Variants in TFF3 observed in about 807,000 individuals in gnomAD.
TFF3 encodes the protein polypeptide P1.B.
TFF3 carries 6 observed loss-of-function variants against 9.7 expected under a neutral mutation model. The ratio of observed to expected loss-of-function variants is 0.62; its 90% confidence interval spans 0.34 to 1.22. The LOEUF (loss-of-function observed/expected upper bound fraction) is 1.22. Ranked by LOEUF, TFF3 falls within the 50% of genes most tolerant of loss-of-function variation. TFF3 has a pLI of 0.04. For synonymous variants in TFF3, 48 were observed against 41.4 expected (o/e 1.16, Z -0.61); for missense variants, 93 against 98.6 (o/e 0.94, Z 0.24).
rs1403608077 is a variant in TFF3, at chr21:42,315,385, G to T, written c.-11C>A. 1.2e-6 allele frequency: 2 copies of T among 1,614,026 alleles called. No homozygotes were observed. The highest frequency in any genetic ancestry group is 2.7e-5 in the African/African-American group (2 of 74,930). ...CGCTCTGGCAGCCATGACCACCGTGGGCTCCGGGACGCAGCTCAGGACTCG... is the reference window on the plus strand; with the variant it reads ...CGCTCTGGCAGCCATGACCACCGTGTGCTCCGGGACGCAGCTCAGGACTCG... On this transcript the variant is annotated 5_prime_UTR_variant, in exon 1 of 3. Coordinates refer to ENST00000518498, the MANE Select transcript of TFF3 (RefSeq NM_003226.4).
intron 2 of TFF3, among the ~76,000 whole-genome samples, 170 bp from the exon 3 acceptor site, chr21:42,312,439 G>C (rs184965395): frequency 6.6e-6 from 1 of 152,202 alleles, no homozygotes; most frequent in East Asian, 1.9e-4. Flanking sequence ...TTCCCACCTC[G>C]GGTTGCTAAG....
chr21:42,315,171 G>T, intron 1 of TFF3, 122 bp downstream of exon 1: 1 of 1,323,702 alleles, frequency 7.6e-7, no homozygotes, highest in Non-Finnish European at 1.0e-6. Flanking sequence ...CAAAGGGCTA[G>T]CGCAGGAAAA....
At position 42,312,146 on chromosome 21, in the gene TFF3, C is replaced by A. The variant is rs760176980; in HGVS notation, c.*110G>T. 1 of 1,478,138 alleles carries A rather than the reference C, an allele frequency of 6.8e-7. No homozygotes were observed. The highest frequency in any genetic ancestry group is 1.7e-5 in the Admixed American group (1 of 59,800). 91.6% of individuals were successfully genotyped at this position (1,478,138 alleles called of 1,614,324 possible). On this transcript the variant is annotated 3_prime_UTR_variant, in exon 3 of 3. Transcript: ENST00000518498. ...ATGAACTTTCAGCAGAAGCGCTTGC[C>A]GGGAGCAAAGGGACAGAAAAGCTGA... is the stretch of plus-strand genomic sequence containing the variant.
intron 2 of TFF3, among the ~76,000 whole-genome samples, chr21:42,312,790 G>A (rs1288988018): frequency 1.3e-5 from 2 of 152,188 alleles, no homozygotes; most frequent in Admixed American, 6.5e-5. Flanking sequence ...TCACGCAGGT[G>A]CGGCCTTCGT....
At position 42,312,195 on chromosome 21, in the gene TFF3, C is replaced by G. The variant is rs1601478826; in HGVS notation, c.*61G>C. The G allele has an allele frequency of 6.2e-7, 1 of 1,611,774 alleles. No homozygotes were observed. Among genetic ancestry groups the G allele is most frequent in the South Asian group, 1.1e-5 (1 of 91,042 alleles). ...GAGATGAACAGTGCCTGGCAGCAAT[C>G]ACAGCCGGGCAAGGGTGCTCCGAGC... On this transcript the variant is annotated 3_prime_UTR_variant, in exon 3 of 3. Transcript: ENST00000518498.
Position 42,315,300 on chromosome 21 carries a change from C to T in TFF3, c.75G>A (p.Val25=), listed in dbSNP as rs769080891. The T allele has an allele frequency of 3.7e-6, 6 of 1,613,386 alleles. No homozygotes were observed. The highest frequency in any genetic ancestry group is 1.3e-5 in the African/African-American group (1 of 74,934). The change falls in exon 1 of 3, where the codon GTG becomes GTA. Residue 25 remains valine, a synonymous_variant. Coordinates refer to ENST00000518498, the MANE Select transcript of TFF3 (RefSeq NM_003226.4). ...AGTCAGGGCAGTACTCACACAGGCC[C>T]ACGTACTCCTCAGCAGAGCTGGAGG... The part of the protein sequence containing the change: ...LLSSSSAEEY[V]GLSANQCAVP...
chr21:42,312,291 G>A (rs1164084069), intron 2 of TFF3, 22 bp from the exon 3 acceptor site: 1 of 1,587,966 alleles, frequency 6.3e-7, no homozygotes, highest in Non-Finnish European at 8.6e-7. Context: ...GCAAAGGCTT[G>A]TGTGAGCAGT....
chr21:42,312,179 A>G lies in TFF3; in HGVS notation c.*77T>C, dbSNP rs113927355. 2.6e-5 allele frequency: 42 copies of G among 1,587,948 alleles called. No individual in the cohort carries two copies. In the African/African-American group the frequency reaches 3.8e-4, roughly 14 times the overall value. ...AAGGGACAGAAAAGCTGAGATGAAC[A>G]GTGCCTGGCAGCAATCACAGCCGGG... is the stretch of plus-strand genomic sequence containing the variant. On this transcript the variant is annotated 3_prime_UTR_variant, in exon 3 of 3. Coordinates refer to ENST00000518498, the MANE Select transcript of TFF3 (RefSeq NM_003226.4).
Position 42,315,396 on chromosome 21 carries a change from G to A in TFF3, c.-22C>T, listed in dbSNP as rs755479258. ...CCATGACCACCGTGGGCTCCGGGAC[G>A]CAGCTCAGGACTCGCTTCATGGTCC... On this transcript the variant is annotated 5_prime_UTR_variant, in exon 1 of 3. Coordinates refer to ENST00000518498, the MANE Select transcript of TFF3 (RefSeq NM_003226.4). The A allele has an allele frequency of 1.5e-5, 24 of 1,614,048 alleles. 1 individual carries two copies. Among genetic ancestry groups the A allele is most frequent in the South Asian group, 5.5e-5 (5 of 91,078 alleles).
Position 42,313,759 on chromosome 21 carries a change from C to A in TFF3, c.83-128G>T. The A allele has an allele frequency of 9.1e-7, 1 of 1,104,506 alleles. No individual in the cohort carries two copies. Among genetic ancestry groups the A allele is most frequent in the Non-Finnish European group, 1.2e-6 (1 of 801,760 alleles). 68.4% of individuals were successfully genotyped at this position (1,104,506 alleles called of 1,614,324 possible). A position where few individuals can be genotyped will look rare whatever the true frequency, so the allele number is the denominator to read the frequency against. ...CCGCCGAGTTCAACCACTGCTGAAA[C>A]CCTCGCCCTTAGGAAGATGCACTTT... On this transcript the variant is annotated intron_variant, in intron 1 of 2. Transcript: ENST00000518498. The surrounding 1 kb of genome is among the most constrained non-coding windows in gnomAD (Gnocchi z 4.0).
rs553882826 is a variant in TFF3 at position 42,313,721 on chromosome 21, G to A, written c.83-90C>T. On this transcript the variant is annotated intron_variant, in intron 1 of 2. Coordinates refer to ENST00000518498, the MANE Select transcript of TFF3 (RefSeq NM_003226.4). This position sits in a 1 kb window ranked among gnomAD's most constrained non-coding sequence, Gnocchi z 4.0. ...TCACTTTGCAAGTTTGCATCCTCCCGCTCCGCCCCACCCCGCCGAGTTCAA... is the reference window on the plus strand; with the variant it reads ...TCACTTTGCAAGTTTGCATCCTCCCACTCCGCCCCACCCCGCCGAGTTCAA... 20 of 1,436,822 alleles carry A rather than the reference G, an allele frequency of 1.4e-5. No individual in the cohort carries two copies. In the Admixed American group the frequency reaches 2.4e-4, roughly 17 times the overall value. The allele number at this position is 1,436,822 out of a possible 1,614,324, so 89.0% of individuals were successfully genotyped here.
Position 42,313,030 on chromosome 21 carries a change from G to C in TFF3, c.229+455C>G, listed in dbSNP as rs1220106188. Among the ~76,000 whole-genome samples the C allele has an allele frequency of 6.6e-6, 1 of 152,128 alleles. No individual in the cohort carries two copies. Among genetic ancestry groups the C allele is most frequent in the Non-Finnish European group, 1.5e-5 (1 of 67,996 alleles). On this transcript the variant is annotated intron_variant, in intron 2 of 2. Transcript: ENST00000518498. The surrounding 1 kb of genome is among the most constrained non-coding windows in gnomAD (Gnocchi z 4.0). ...AGAGGGAGAGGAGATGACCCTTGTG[G>C]GGGGCAGAGTGGGGGAGGTGGGGTG...
chr21:42,312,051 T>A lies in TFF3; in HGVS notation c.*205A>T. On this transcript the variant is annotated 3_prime_UTR_variant, in exon 3 of 3. Transcript: ENST00000518498. ...AGAAATAAAGCACAACCTCAGAAAG[T>A]CTCAGGCACGAAGAACTGTCCTCGG... 1 of 748,638 alleles carries A rather than the reference T, an allele frequency of 1.3e-6. No individual in the cohort carries two copies. Among genetic ancestry groups the A allele is most frequent in the African/African-American group, 1.7e-5 (1 of 58,024 alleles). 46.4% of individuals were successfully genotyped at this position (748,638 alleles called of 1,614,324 possible).
rs1328048856 is a variant in TFF3 at position 42,311,800 on chromosome 21, C to G, written c.*456G>C. Reference sequence around the variant, plus strand: ...CAGTTTTATTGGCTTGCTGTCTTCACCAAGAAAGACTTGTGATTTTTGAAA... The same window carrying G: ...CAGTTTTATTGGCTTGCTGTCTTCAGCAAGAAAGACTTGTGATTTTTGAAA... On this transcript the variant is annotated 3_prime_UTR_variant, in exon 3 of 3. Coordinates refer to ENST00000518498, the MANE Select transcript of TFF3 (RefSeq NM_003226.4). 3.3e-6 allele frequency: 1 copy of G among 300,060 alleles called. No individual in the cohort carries two copies. Among genetic ancestry groups the G allele is most frequent in the Non-Finnish European group, 6.4e-6 (1 of 156,280 alleles). 18.6% of individuals were successfully genotyped at this position (300,060 alleles called of 1,614,324 possible). A position where few individuals can be genotyped will look rare whatever the true frequency, so the allele number is the denominator to read the frequency against.
Position 42,312,129 on chromosome 21 carries a change from T to G in TFF3, c.*127A>C. ...GACATCAGGCTCCAGATATGAACTT[T>G]CAGCAGAAGCGCTTGCCGGGAGCAA... On this transcript the variant is annotated 3_prime_UTR_variant, in exon 3 of 3. Transcript: ENST00000518498. 1 of 1,309,826 alleles carries G rather than the reference T, an allele frequency of 7.6e-7. No homozygotes were observed. The highest frequency in any genetic ancestry group is 1.1e-6 in the Non-Finnish European group (1 of 903,010). The allele number at this position is 1,309,826 out of a possible 1,614,324, so 81.1% of individuals were successfully genotyped here. A position where few individuals can be genotyped will look rare whatever the true frequency, so the allele number is the denominator to read the frequency against.
intron 1 of TFF3, among the ~76,000 whole-genome samples, chr21:42,314,656 C>G (rs1006664261): frequency 6.6e-6 from 1 of 152,200 alleles, no homozygotes; most frequent in Non-Finnish European, 1.5e-5. Context: ...TATCTCAAAA[C>G]AAAACAGCTG....
chr21:42,313,560 A>C lies in TFF3; in HGVS notation c.154T>G (p.Cys52Gly), dbSNP rs773264339. 2 of 1,610,518 alleles carry C rather than the reference A, an allele frequency of 1.2e-6. 1 individual carries two copies. The highest frequency in any genetic ancestry group is 2.2e-5 in the South Asian group (2 of 90,742). Residue 52 changes from cysteine to glycine, a missense_variant, in exon 2 of 3, where the codon TGC (cysteine) becomes GGC (glycine). Cys to Gly is a radical substitution (Grantham distance 159, BLOSUM62 -3). Transcript: ENST00000518498. The surrounding 1 kb of genome is among the most constrained non-coding windows in gnomAD (Gnocchi z 4.0). ...CGYPHVTPKE[C>G]NNRGCCFDSR... ...TCAAAGCAGCAGCCCCGGTTGTTGCACTCCTTGGGGGTGACATGGGGGTAG... is the reference window on the plus strand; with the variant it reads ...TCAAAGCAGCAGCCCCGGTTGTTGCCCTCCTTGGGGGTGACATGGGGGTAG...
rs1021715766 is a variant in TFF3, at chr21:42,312,630, C to A, written c.230-361G>T. ...CTGGACCCCCACCCCCACCCCTACC[C>A]TGGACTTGCTGGGGAGGGTGAAGGG... On this transcript the variant is annotated intron_variant, in intron 2 of 2. Transcript: ENST00000518498. 4.2e-4 allele frequency among the ~76,000 whole-genome samples: 64 copies of A among 152,178 alleles called. 1 individual carries two copies. The highest frequency in any genetic ancestry group is 1.2e-4 in the Non-Finnish European group (8 of 68,020).
chr21:42,312,017 C>T lies in TFF3; in HGVS notation c.*239G>A, dbSNP rs528257603. 7.1e-5 allele frequency: 50 copies of T among 703,244 alleles called. No homozygotes were observed. The highest frequency in any genetic ancestry group is 4.9e-4 in the African/African-American group (28 of 57,128). The allele number at this position is 703,244 out of a possible 1,614,324, so 43.6% of individuals were successfully genotyped here. ...CCTGACACCCTCCCGCCCTCTCCCACGACGCAGCAGAAATAAAGCACAACC... is the reference window on the plus strand; with the variant it reads ...CCTGACACCCTCCCGCCCTCTCCCATGACGCAGCAGAAATAAAGCACAACC... On this transcript the variant is annotated 3_prime_UTR_variant, in exon 3 of 3. Coordinates refer to ENST00000518498, the MANE Select transcript of TFF3 (RefSeq NM_003226.4).
Sources: gnomAD v4.1 joint callset for allele counts (sites outside exome capture counted in the v4.1 genomes callset) on GRCh38, gnomAD v4.1.1 for gene constraint, Gnocchi (gnomAD v3.1) non-coding constraint, MANE v1.5 for transcripts, NCBI Gene and HGNC (gene_info 2026-07-23, HGNC 2026-07-21) for gene names.